The following DTNB variants were observed in gnomAD, a reference collection of about 807,000 sequenced individuals.
DTNB encodes the protein DTN-B.
DTNB carries 63 observed loss-of-function variants against 90.7 expected under a neutral mutation model. The ratio of observed to expected loss-of-function variants is 0.69; its 90% confidence interval spans 0.57 to 0.86. DTNB has a LOEUF of 0.86. Among genes scored for constraint, DTNB ranks in the 40% least tolerant of loss-of-function variants. The pLI is 0.00. For missense variants in DTNB, 744 were observed against 807.1 expected, an observed-to-expected ratio of 0.92 and a Z score of 0.95; for synonymous variants, 277 against 286.7, an observed-to-expected ratio of 0.97 and a Z score of 0.34.
chr2:25,530,930 A>G (rs996440279), intron 9 of DTNB, among the ~76,000 whole-genome samples: 2 of 152,264 alleles, frequency 1.3e-5, no homozygotes, highest in East Asian at 1.9e-4. Flanking sequence ...CTATTTCTCA[A>G]CTTTATTGTT....
At chr2:25,454,671 A>T (rs548148905) in intron 11 of DTNB, among the ~76,000 whole-genome samples, 25 of 152,296 alleles carry the variant, frequency 1.6e-4, no homozygotes, top group African/African-American at 2.6e-4. Context: ...TAAATCTTTT[A>T]AAAAAAGGAT....
chr2:25,397,134 T>C lies in DTNB; in HGVS notation c.1576-8773A>G, dbSNP rs540810221. On this transcript the variant is annotated intron_variant, in intron 16 of 20. Coordinates refer to ENST00000406818, the MANE Select transcript of DTNB (RefSeq NM_021907.5). Reference sequence around the variant, plus strand: ...TTCCTAGGTATATATCCATGAGACATGAAAACATGTCCACACAAAAATCTG... The same window carrying C: ...TTCCTAGGTATATATCCATGAGACACGAAAACATGTCCACACAAAAATCTG... 7.0e-5 allele frequency among the ~76,000 whole-genome samples: 10 copies of C among 142,858 alleles called. No homozygotes were observed. In the East Asian group the frequency reaches 2.0e-3, roughly 29 times the overall value. The allele number at this position is 142,858 out of a possible 152,430, so 93.7% of individuals were successfully genotyped here.
In DTNB at chr2:25,387,729, C is replaced by T. The variant is rs551042134; in HGVS notation, c.1736-351G>A. Among the ~76,000 whole-genome samples, 1 of 152,304 alleles carries T rather than the reference C, an allele frequency of 6.6e-6. No individual in the cohort carries two copies. Among genetic ancestry groups the T allele is most frequent in the East Asian group, 1.9e-4 (1 of 5,172 alleles). Reference sequence around the variant, plus strand: ...CTCCACAACCACCACTACCACCTCCCCTTCTCACCTCCAGCCCCAGCAGGA... The same window carrying T: ...CTCCACAACCACCACTACCACCTCCTCTTCTCACCTCCAGCCCCAGCAGGA... On this transcript the variant is annotated intron_variant, in intron 17 of 20. Coordinates refer to ENST00000406818, the MANE Select transcript of DTNB (RefSeq NM_021907.5). This position sits in a 1 kb window ranked among gnomAD's most constrained non-coding sequence, Gnocchi z 4.5.
chr2:25,491,661 G>A (rs980180980), intron 9 of DTNB, among the ~76,000 whole-genome samples: 1 of 152,020 alleles, frequency 6.6e-6, no homozygotes, highest in East Asian at 1.9e-4. Flanking sequence ...TGGGAACAGT[G>A]GTATATTCTT....
intron 1 of DTNB, 67 bp from the exon 2 acceptor site, chr2:25,652,728 C>A: frequency 6.5e-7 from 1 of 1,537,448 alleles, no homozygotes; most frequent in Non-Finnish European, 8.8e-7. Context: ...GCTAATCATT[C>A]TATTGTGAAG....
chr2:25,437,832 A>G (rs1177117001), intron 12 of DTNB, among the ~76,000 whole-genome samples: 27 of 152,202 alleles, frequency 1.8e-4, no homozygotes, highest in Admixed American at 1.8e-3. Flanking sequence ...GCACTGCTCT[A>G]CCAGTTAGGG....
rs1359226637 is a variant in DTNB, at chr2:25,646,062, G to A, written c.67+6532C>T. ...ACCATCTGAATGGACTTCCTTCTCA[G>A]CCAGGGCTCTTTTAAAATTTAACCT... On this transcript the variant is annotated intron_variant, in intron 2 of 20. Coordinates refer to ENST00000406818, the MANE Select transcript of DTNB (RefSeq NM_021907.5). Among the ~76,000 whole-genome samples the A allele has an allele frequency of 2.0e-5, 3 of 152,102 alleles. No homozygotes were observed. In the East Asian group the frequency reaches 5.8e-4, roughly 29 times the overall value.
chr2:25,615,537 G>T (rs2070105617), intron 4 of DTNB, among the ~76,000 whole-genome samples: 1 of 152,164 alleles, frequency 6.6e-6, no homozygotes, highest in African/African-American at 2.4e-5. Flanking sequence ...TAGGAGTTCA[G>T]TGTAAAGAAC....
intron 14 of DTNB, among the ~76,000 whole-genome samples, chr2:25,428,676 A>G (rs1338016627): frequency 1.3e-5 from 2 of 151,802 alleles, no homozygotes; most frequent in African/African-American, 4.8e-5. Flanking sequence ...CAAGTGATCC[A>G]CCTGCCTCAG....
At chr2:25,425,979 A>G (rs2051447694) in intron 15 of DTNB, among the ~76,000 whole-genome samples, 1 of 152,198 alleles carries the variant, frequency 6.6e-6, no homozygotes, top group Admixed American at 6.5e-5. Context: ...AGGAAGGAGG[A>G]TCCCTTGGAC....
chr2:25,580,196 G>A (rs1056738205), intron 7 of DTNB, among the ~76,000 whole-genome samples: 1 of 151,842 alleles, frequency 6.6e-6, no homozygotes, highest in Non-Finnish European at 1.5e-5. Context: ...TTGCCAGGCT[G>A]GCTGGAACTC....
intron 8 of DTNB, among the ~76,000 whole-genome samples, chr2:25,555,062 C>T (rs1452954094): frequency 6.6e-6 from 1 of 151,518 alleles, no homozygotes; most frequent in Non-Finnish European, 1.5e-5. Context: ...TTTGGGAGGC[C>T]GAGGTGGGCG....
intron 3 of DTNB, among the ~76,000 whole-genome samples, chr2:25,631,573 CAAA>C (rs762603520): frequency 7.0e-5 from 6 of 86,158 alleles, no homozygotes; most frequent in Admixed American, 1.3e-4. Flanking sequence ...ACCCTGTGGT[CAAA>C]AAAAAAAAAA....
chr2:25,612,252 G>A (rs1254609018), intron 4 of DTNB, among the ~76,000 whole-genome samples: 1 of 152,056 alleles, frequency 6.6e-6, no homozygotes, highest in East Asian at 1.9e-4. Context: ...GGGGAAAAAA[G>A]CAAGGTATAG....
At chr2:25,595,708 C>T (rs2064448999) in intron 6 of DTNB, among the ~76,000 whole-genome samples, 1 of 152,118 alleles carries the variant, frequency 6.6e-6, no homozygotes, top group Non-Finnish European at 1.5e-5. Context: ...CGTTCCCTGT[C>T]TCCAGCACTC....
intron 10 of DTNB, among the ~76,000 whole-genome samples, chr2:25,460,577 C>T (rs1208559703): frequency 2.0e-5 from 3 of 151,958 alleles, no homozygotes; most frequent in East Asian, 1.9e-4. Flanking sequence ...ACTAGGAGAG[C>T]ATGATATCCG....
chr2:25,652,913 G>C, intron 1 of DTNB: 1 of 331,518 alleles, frequency 3.0e-6, no homozygotes, highest in South Asian at 9.1e-5. Flanking sequence ...TAAAAATATG[G>C]GGCTGACTTA....
intron 6 of DTNB, among the ~76,000 whole-genome samples, chr2:25,592,674 T>C (rs1363598560): frequency 6.6e-6 from 1 of 151,960 alleles, no homozygotes; most frequent in East Asian, 1.9e-4. Context: ...TCTGCTGTAA[T>C]GTGTTACATT....
chr2:25,518,230 T>C (rs2075485187), intron 9 of DTNB, among the ~76,000 whole-genome samples: 1 of 152,118 alleles, frequency 6.6e-6, no homozygotes, highest in Non-Finnish European at 1.5e-5. Context: ...AAAAAAAGAA[T>C]ACTAAGGGAT....
Sources: gnomAD v4.1 joint callset for allele counts (sites outside exome capture counted in the v4.1 genomes callset) on GRCh38, gnomAD v4.1.1 for gene constraint, Gnocchi (gnomAD v3.1) non-coding constraint, MANE v1.5 for transcripts, NCBI Gene and HGNC (gene_info 2026-07-23, HGNC 2026-07-21) for gene names.